Variants in PCDHA2 observed in about 807,000 individuals in gnomAD.
PCDHA2 encodes the protein protocadherin alpha 2, also known as protocadherin alpha-2.
A neutral mutation model predicts 66.0 loss-of-function variants in PCDHA2; 58 were observed. The observed-to-expected ratio is 0.88, with a 90% CI of 0.71 to 1.09. The LOEUF (loss-of-function observed/expected upper bound fraction) is 1.09. Ranked by LOEUF, PCDHA2 falls within the 50% of genes least tolerant of loss-of-function variation. The probability of loss-of-function intolerance (pLI) is 0.00; values close to 1 mark genes in which losing one functional copy is unlikely to be tolerated. For missense variants in PCDHA2, 1,267 were observed against 1,242.3 expected, an observed-to-expected ratio of 1.02 and a Z score of -0.30; for synonymous variants, 634 against 554.0, an observed-to-expected ratio of 1.14 and a Z score of -2.03.
chr5:140,801,173 A>G, intron 1 of PCDHA2: 4 of 1,567,252 alleles, frequency 2.6e-6, no homozygotes, highest in East Asian at 4.5e-5. Context: ...TGTAAAGGCA[A>G]TCTAATATTT....
At position 140,848,466 on chromosome 5, in the gene PCDHA2, C is replaced by T. The variant is rs2150410896; in HGVS notation, c.2388+51114C>T. 2.6e-6 allele frequency: 4 copies of T among 1,545,340 alleles called. No homozygotes were observed. In the South Asian group the frequency reaches 3.6e-5, roughly 14 times the overall value. ...TTTCTTCTAATTTGGAGGCAATTTTCACTAATTAGAAGAAGACTGAGTATT... is the reference window on the plus strand; with the variant it reads ...TTTCTTCTAATTTGGAGGCAATTTTTACTAATTAGAAGAAGACTGAGTATT... On this transcript the variant is annotated intron_variant, in intron 1 of 3. Transcript: ENST00000526136.
rs371276136 is a variant in PCDHA2, at chr5:140,796,088, C to T, written c.1124C>T (p.Ser375Leu). Residue 375 changes from serine (S) to leucine (L), a missense_variant, in exon 1 of 4, where the codon TCG (serine) becomes TTG (leucine). Transcript: ENST00000526136. ...LGTVIALITV[S>L]DRDSGTNGHV... is the part of the protein sequence containing the mutation. The stretch of plus-strand genomic sequence containing the variant: ...ACTGTCATTGCTCTCATCACGGTGT[C>T]GGATCGCGACTCTGGTACGAATGGA... 8.1e-6 allele frequency: 13 copies of T among 1,614,086 alleles called. No homozygotes were observed. Among genetic ancestry groups the T allele is most frequent in the African/African-American group, 4.0e-5 (3 of 74,946 alleles).
chr5:140,971,401 G>A (rs2096476846), intron 1 of PCDHA2, among the ~76,000 whole-genome samples: 1 of 152,164 alleles, frequency 6.6e-6, no homozygotes, highest in Admixed American at 6.5e-5. Context: ...ATTTCTGCCA[G>A]GCACTTTTGG....
chr5:140,846,328 A>G (rs188043229), intron 1 of PCDHA2, among the ~76,000 whole-genome samples: 2 of 147,118 alleles, frequency 1.4e-5, no homozygotes, highest in East Asian at 3.9e-4. Flanking sequence ...TGTTGTAAAT[A>G]GCCTTTTAAA....
chr5:140,891,708 C>A (rs1422243783), intron 1 of PCDHA2, among the ~76,000 whole-genome samples: 1 of 152,182 alleles, frequency 6.6e-6, no homozygotes, highest in Middle Eastern at 3.4e-3. Flanking sequence ...TGAATTTGTA[C>A]CCCCAAATTC....
chr5:140,885,566 G>T (rs190303990), intron 1 of PCDHA2, among the ~76,000 whole-genome samples: 3 of 152,162 alleles, frequency 2.0e-5, no homozygotes, highest in South Asian at 4.2e-4. Flanking sequence ...GAAATTGATT[G>T]TCAGATGTGG....
Position 140,926,837 on chromosome 5 carries a change from G to A in PCDHA2, c.2389-52112G>A, listed in dbSNP as rs1170899993. 11 of 1,513,410 alleles carry A rather than the reference G, an allele frequency of 7.3e-6. No individual in the cohort carries two copies. In the African/African-American group the frequency reaches 1.4e-4, roughly 19 times the overall value. 93.7% of individuals were successfully genotyped at this position (1,513,410 alleles called of 1,614,324 possible). ...GTGCTCTCCAGGAGTCCGGAGCATG[G>A]TCCTGGGTCACCGTTGGTGTAGCGT... On this transcript the variant is annotated intron_variant, in intron 1 of 3. Coordinates refer to ENST00000526136, the MANE Select transcript of PCDHA2 (RefSeq NM_018905.3).
At chr5:140,807,746 G>A (rs782266398) in intron 1 of PCDHA2, 2 of 1,614,154 alleles carry the variant, frequency 1.2e-6, no homozygotes, top group Non-Finnish European at 1.7e-6. Flanking sequence ...ACCTGATGAC[G>A]AGCTGGTAAA....
At chr5:140,998,722 G>A (rs572133347) in intron 3 of PCDHA2, among the ~76,000 whole-genome samples, 4 of 152,002 alleles carry the variant, frequency 2.6e-5, no homozygotes, top group Non-Finnish European at 4.4e-5. Flanking sequence ...GCACCACCAC[G>A]CTAGGCTAAT....
Position 140,883,339 on chromosome 5 carries a change from C to A in PCDHA2, c.2388+85987C>A, listed in dbSNP as rs142984869. 95 of 1,614,172 alleles carry A rather than the reference C, an allele frequency of 5.9e-5. No individual in the cohort carries two copies. The African/African-American group carries it at 1.1e-3, about 19-fold the overall frequency. ...AGGTTACCATCACTTCTTTGTCACTCCCCATCAGAGAAGACACTCAGCCTA... is the reference window on the plus strand; with the variant it reads ...AGGTTACCATCACTTCTTTGTCACTACCCATCAGAGAAGACACTCAGCCTA... On this transcript the variant is annotated intron_variant, in intron 1 of 3. Coordinates refer to ENST00000526136, the MANE Select transcript of PCDHA2 (RefSeq NM_018905.3).
intron 1 of PCDHA2, chr5:140,848,954 A>G (rs2150426355): frequency 1.4e-5 from 23 of 1,606,754 alleles, no homozygotes; most frequent in Admixed American, 5.1e-5. Flanking sequence ...CTCGGTTTCC[A>G]CTAGAGGGCG....
At chr5:140,957,781 TTCA>T (rs2095383587) in intron 1 of PCDHA2, among the ~76,000 whole-genome samples, 1 of 152,072 alleles carries the variant, frequency 6.6e-6, no homozygotes, top group African/African-American at 2.4e-5. Context: ...AAAAACTAAG[TTCA>T]TCATATATGT....
intron 3 of PCDHA2, among the ~76,000 whole-genome samples, chr5:140,990,307 A>C (rs1409511282): frequency 2.6e-5 from 4 of 152,132 alleles, no homozygotes; most frequent in Non-Finnish European, 5.9e-5. Flanking sequence ...TGTCTGTAAA[A>C]AACCAACCAA....
chr5:140,927,886 G>C, intron 1 of PCDHA2: 1 of 1,614,210 alleles, frequency 6.2e-7, no homozygotes, highest in Non-Finnish European at 8.5e-7. Flanking sequence ...GGAGGTGACT[G>C]ACGTGAACGA....
intron 1 of PCDHA2, chr5:140,871,599 TG>T (rs1554165773): frequency 6.9e-7 from 1 of 1,447,790 alleles, no homozygotes; most frequent in Admixed American, 2.7e-5. Flanking sequence ...GAATAACCAG[TG>T]TTTTGAATAT....
rs782272538 is a variant in PCDHA2 at position 140,797,095 on chromosome 5, T to C, written c.2131T>C (p.Leu711=). ...CGCCATCTGCGCGGTATCCAGCCTG[T>C]TGGTGCTCACGGTGCTGCTGTACAC... The part of the protein sequence containing the change: ...IIAICAVSSL[L]VLTVLLYTAL... Residue 711 remains leucine (L), a synonymous_variant, in exon 1 of 4, where the codon TTG becomes CTG. Coordinates refer to ENST00000526136, the MANE Select transcript of PCDHA2 (RefSeq NM_018905.3). The C allele has an allele frequency of 6.2e-7, 1 of 1,613,926 alleles. No individual in the cohort carries two copies. The highest frequency in any genetic ancestry group is 8.5e-7 in the Non-Finnish European group (1 of 1,179,948).
In PCDHA2 at chr5:140,857,915, G is replaced by A. The variant is rs1265955881; in HGVS notation, c.2388+60563G>A. The A allele has an allele frequency of 4.6e-5, 74 of 1,597,796 alleles. 10 individuals carry two copies. The highest frequency in any genetic ancestry group is 6.0e-5 in the Non-Finnish European group (70 of 1,167,592). On this transcript the variant is annotated intron_variant, in intron 1 of 3. Transcript: ENST00000526136. ...GGTTGGTGCACGCATCCCGTTTCGC[G>A]TGGGGCTGTACACGGGCGAGATCAG...
rs1768065709 is a variant in PCDHA2, at chr5:140,824,260, AATTC to A, written c.2388+26911_2388+26914del. 3.0e-6 allele frequency: 4 copies of A among 1,322,828 alleles called. No individual in the cohort carries two copies. The African/African-American group carries it at 4.4e-5, about 14-fold the overall frequency. The allele number at this position is 1,322,828 out of a possible 1,614,324, so 81.9% of individuals were successfully genotyped here. On this transcript the variant is annotated intron_variant, in intron 1 of 3. Coordinates refer to ENST00000526136, the MANE Select transcript of PCDHA2 (RefSeq NM_018905.3). The stretch of plus-strand genomic sequence containing the variant: ...TATTGTGGTACACAATTATTGCACT[AATTC>A]ATGTATTATATGCTTTTTATGAGGC...
intron 1 of PCDHA2, chr5:140,823,314 C>A: frequency 6.2e-7 from 1 of 1,612,202 alleles, no homozygotes; most frequent in Non-Finnish European, 8.5e-7. Context: ...ACGCGGAGAG[C>A]GGCAAGGTGT....
Sources: gnomAD v4.1 joint callset for allele counts (sites outside exome capture counted in the v4.1 genomes callset) on GRCh38, gnomAD v4.1.1 for gene constraint, MANE v1.5 for transcripts, NCBI Gene and HGNC (gene_info 2026-07-23, HGNC 2026-07-21) for gene names.